MMAA: variants seen among roughly 807,000 people sequenced by gnomAD.
MMAA encodes methylmalonic aciduria type A protein, mitochondrial.
MMAA carries 41 observed loss-of-function variants against 45.0 expected under a neutral mutation model. That is an observed-to-expected ratio of 0.91 (90% CI 0.71 to 1.18). The LOEUF (loss-of-function observed/expected upper bound fraction) is 1.18, where lower values mean the gene tolerates loss of function less well. MMAA is among the 50% of genes most tolerant of loss of function. MMAA has a pLI of 0.00. For missense variants in MMAA, 460 were observed against 495.7 expected, an observed-to-expected ratio of 0.93 and a Z score of 0.68; for synonymous variants, 154 against 178.2, an observed-to-expected ratio of 0.86 and a Z score of 1.08.
chr4:145,646,854 C>T (rs1446511889), intron 4 of MMAA, among the ~76,000 whole-genome samples: 1 of 152,166 alleles, frequency 6.6e-6, no homozygotes, highest in Non-Finnish European at 1.5e-5. Flanking sequence ...ATACTTAGAG[C>T]AAAGAGTGTG....
chr4:145,655,487 T>C lies in MMAA; in HGVS notation c.*53T>C. 6.8e-7 allele frequency: 1 copy of C among 1,478,598 alleles called. No homozygotes were observed. The highest frequency in any genetic ancestry group is 9.3e-7 in the Non-Finnish European group (1 of 1,080,900). The allele number at this position is 1,478,598 out of a possible 1,614,324, so 91.6% of individuals were successfully genotyped here. A position where few individuals can be genotyped will look rare whatever the true frequency, so the allele number is the denominator to read the frequency against. On this transcript the variant is annotated 3_prime_UTR_variant, in exon 7 of 7. Transcript: ENST00000649156. ...CATATCATTTCATAAAGTATTTTAA[T>C]AGAAAAATCACTTGTATGCTTATAT... is the stretch of plus-strand genomic sequence containing the variant.
chr4:145,622,211 A>G (rs541526556), intron 1 of MMAA, among the ~76,000 whole-genome samples: 2 of 151,916 alleles, frequency 1.3e-5, no homozygotes, highest in Non-Finnish European at 2.9e-5. Flanking sequence ...ATGATAGTGA[A>G]TGAGTCTCAT....
At chr4:145,649,779 G>A (rs1728039214) in intron 4 of MMAA, among the ~76,000 whole-genome samples, 1 of 151,804 alleles carries the variant, frequency 6.6e-6, no homozygotes, top group African/African-American at 2.4e-5. Context: ...GGTGGAAGTA[G>A]ATTTTTTTTT....
intron 1 of MMAA, among the ~76,000 whole-genome samples, chr4:145,631,180 A>C (rs1028622920): frequency 4.6e-5 from 7 of 152,232 alleles, no homozygotes; most frequent in Non-Finnish European, 7.3e-5. Flanking sequence ...TCTGTAGTGC[A>C]GATTAAGTCC....
At chr4:145,624,198 A>G (rs1734148793) in intron 1 of MMAA, 35 of 857,424 alleles carry the variant, frequency 4.1e-5, no homozygotes, top group Middle Eastern at 3.3e-4. Flanking sequence ...ACTTCTTTTT[A>G]TCAACTTTAA....
intron 1 of MMAA, chr4:145,625,261 G>C: frequency 1.2e-6 from 1 of 849,644 alleles, no homozygotes; most frequent in Non-Finnish European, 2.0e-6. Context: ...TGAGGAGCAA[G>C]TTTTCTAAGC....
At chr4:145,627,686 G>A (rs1025882986) in intron 1 of MMAA, among the ~76,000 whole-genome samples, 3 of 152,096 alleles carry the variant, frequency 2.0e-5, no homozygotes, top group African/African-American at 7.2e-5. Context: ...GAGAAGGTGG[G>A]GGAAGATGTA....
chr4:145,633,864 C>A (rs1488214996), intron 1 of MMAA, among the ~76,000 whole-genome samples: 2 of 152,224 alleles, frequency 1.3e-5, no homozygotes, highest in Admixed American at 6.5e-5. Flanking sequence ...CTGAAGAATT[C>A]TCTGGATTAT....
chr4:145,625,053 C>A (rs2126607436), intron 1 of MMAA: 1 of 900,052 alleles, frequency 1.1e-6, no homozygotes, highest in African/African-American at 1.6e-5. Flanking sequence ...TCACCGGTTT[C>A]ATGACTGCCA....
In MMAA at chr4:145,625,206, A is replaced by C. The variant is rs1041325897; in HGVS notation, c.-66+5799A>C. The C allele has an allele frequency of 2.1e-6, 3 of 1,407,252 alleles. No homozygotes were observed. In the African/African-American group the frequency reaches 4.3e-5, roughly 20 times the overall value. 87.2% of individuals were successfully genotyped at this position (1,407,252 alleles called of 1,614,324 possible). A position where few individuals can be genotyped will look rare whatever the true frequency, so the allele number is the denominator to read the frequency against. On this transcript the variant is annotated intron_variant, in intron 1 of 6. Coordinates refer to ENST00000649156, the MANE Select transcript of MMAA (RefSeq NM_172250.3). Reference sequence around the variant, plus strand: ...GAACTAGTAGTGGAATGGCTGTTACACTTTTGATAACTTGGTTTTTCAGGA... The same window carrying C: ...GAACTAGTAGTGGAATGGCTGTTACCCTTTTGATAACTTGGTTTTTCAGGA...
At chr4:145,644,146 C>T (rs902764558) in intron 3 of MMAA, among the ~76,000 whole-genome samples, 2 of 152,116 alleles carry the variant, frequency 1.3e-5, no homozygotes, top group African/African-American at 4.8e-5. Context: ...TTGAGACCTT[C>T]GTGAGAGTCT....
chr4:145,639,415 T>C lies in MMAA; in HGVS notation c.276T>C (p.Gly92=). The C allele has an allele frequency of 6.2e-7, 1 of 1,614,184 alleles. No individual in the cohort carries two copies. Among genetic ancestry groups the C allele is most frequent in the South Asian group, 1.1e-5 (1 of 91,074 alleles). ...EQRFVDKLYT[G]LIQGQRACLA... ...GATTTGTGGATAAACTTTATACTGGTTTAATCCAAGGGCAAAGGGCCTGTT... is the reference window on the plus strand; with the variant it reads ...GATTTGTGGATAAACTTTATACTGGCTTAATCCAAGGGCAAAGGGCCTGTT... The change falls in exon 2 of 7, where the codon GGT becomes GGC. Residue 92 remains glycine, a synonymous_variant. Coordinates refer to ENST00000649156, the MANE Select transcript of MMAA (RefSeq NM_172250.3).
At chr4:145,644,868 C>G (rs1727882663) in intron 3 of MMAA, among the ~76,000 whole-genome samples, 2 of 152,142 alleles carry the variant, frequency 1.3e-5, no homozygotes, top group South Asian at 4.1e-4. Context: ...GCATATCTGG[C>G]CTCTACCCAG....
intron 1 of MMAA, among the ~76,000 whole-genome samples, chr4:145,637,463 A>G (rs961089870): frequency 2.9e-4 from 40 of 138,224 alleles, no homozygotes; most frequent in Middle Eastern, 3.6e-3. Flanking sequence ...CCACCGCCCC[A>G]TAGAGAAAAA....
intron 1 of MMAA, among the ~76,000 whole-genome samples, chr4:145,628,172 A>G (rs1396848128): frequency 6.6e-6 from 1 of 152,248 alleles, no homozygotes; most frequent in East Asian, 1.9e-4. Context: ...AGTAGTTATT[A>G]GGCATTTCTT....
At chr4:145,646,518 G>T in intron 4 of MMAA, 2 of 222,788 alleles carry the variant, frequency 9.0e-6, no homozygotes, top group Non-Finnish European at 8.9e-6. Context: ...AATGTAGTTG[G>T]GTGCCTTTTG....
intron 1 of MMAA, among the ~76,000 whole-genome samples, chr4:145,632,057 C>A (rs1727458038): frequency 6.6e-6 from 1 of 152,134 alleles, no homozygotes; most frequent in African/African-American, 2.4e-5. Context: ...AGTTTATACA[C>A]CACAGGTACA....
Position 145,626,613 on chromosome 4 carries a change from T to A in MMAA, c.-66+7206T>A, listed in dbSNP as rs571878370. ...TATTCAGATATACAGGATTATTTTA[T>A]TTTCTCTAGAGTTGACACCATATAA... is the stretch of plus-strand genomic sequence containing the variant. On this transcript the variant is annotated intron_variant, in intron 1 of 6. Transcript: ENST00000649156. Among the ~76,000 whole-genome samples the A allele has an allele frequency of 2.0e-5, 3 of 152,336 alleles. No homozygotes were observed. In the East Asian group the frequency reaches 5.8e-4, roughly 29 times the overall value.
chr4:145,637,261 G>A (rs1280046059), intron 1 of MMAA, among the ~76,000 whole-genome samples: 6 of 152,070 alleles, frequency 3.9e-5, no homozygotes, highest in African/African-American at 1.2e-4. Flanking sequence ...GCTTAAAGGT[G>A]GTATTGAAAG....
Sources: gnomAD v4.1 joint callset for allele counts (sites outside exome capture counted in the v4.1 genomes callset) on GRCh38, gnomAD v4.1.1 for gene constraint, MANE v1.5 for transcripts, NCBI Gene and HGNC (gene_info 2026-07-23, HGNC 2026-07-21) for gene names.